Variants in EFCAB11 observed in about 807,000 individuals in gnomAD.
The protein encoded by EFCAB11 is EF-hand calcium binding domain 11.
A neutral mutation model predicts 23.0 loss-of-function variants in EFCAB11; 14 were observed. That is an observed-to-expected ratio of 0.61 (90% CI 0.40 to 0.95). The LOEUF is 0.95. EFCAB11 is among the 40% of genes least tolerant of loss of function. EFCAB11 has a pLI of 0.00. For synonymous variants in EFCAB11, 65 were observed against 66.6 expected, an observed-to-expected ratio of 0.98 and a Z score of 0.11; for missense variants, 198 against 195.8, an observed-to-expected ratio of 1.01 and a Z score of -0.07.
intron 5 of EFCAB11, among the ~76,000 whole-genome samples, chr14:89,922,101 T>C (rs939942745): frequency 6.6e-6 from 1 of 152,216 alleles, no homozygotes; most frequent in African/African-American, 2.4e-5. Context: ...CAGTTTCCTA[T>C]GTGACAGCTG....
intron 5 of EFCAB11, among the ~76,000 whole-genome samples, chr14:89,877,695 T>C (rs1888482621): frequency 6.6e-6 from 1 of 152,160 alleles, no homozygotes; most frequent in Non-Finnish European, 1.5e-5. Flanking sequence ...AAATATGGTA[T>C]TTTACTCCAT....
intron 5 of EFCAB11, among the ~76,000 whole-genome samples, chr14:89,836,848 G>A (rs953413635): frequency 5.3e-5 from 8 of 152,074 alleles, no homozygotes; most frequent in African/African-American, 1.4e-4. Flanking sequence ...GTAAAACCTC[G>A]TCTCTACTAA....
intron 3 of EFCAB11, among the ~76,000 whole-genome samples, chr14:89,944,697 G>A (rs1890904302): frequency 6.6e-6 from 1 of 152,002 alleles, no homozygotes; most frequent in Non-Finnish European, 1.5e-5. Context: ...TGAATATTTT[G>A]AAAGTGAAAA....
intron 5 of EFCAB11, among the ~76,000 whole-genome samples, chr14:89,887,408 CCTATGGAAA>C (rs1888825386): frequency 6.6e-6 from 1 of 152,094 alleles, no homozygotes. Context: ...GCTTTCTAAG[CCTATGGAAA>C]CACAGGGCCA....
intron 5 of EFCAB11, among the ~76,000 whole-genome samples, chr14:89,899,284 T>TA (rs1226229678): frequency 3.3e-5 from 5 of 152,168 alleles, no homozygotes; most frequent in African/African-American, 9.7e-5. Flanking sequence ...ATGTAAATCT[T>TA]AGAGAAATAT....
At chr14:89,943,149 G>C (rs568459348) in intron 3 of EFCAB11, among the ~76,000 whole-genome samples, 1 of 151,962 alleles carries the variant, frequency 6.6e-6, no homozygotes, top group Admixed American at 6.6e-5. Context: ...GGATAGCAGA[G>C]AATTCCCAAG....
intron 5 of EFCAB11, among the ~76,000 whole-genome samples, chr14:89,827,246 G>A (rs961026621): frequency 5.9e-5 from 9 of 152,196 alleles, no homozygotes; most frequent in Non-Finnish European, 1.2e-4. Context: ...AAGGTCCTGT[G>A]GAGCTGGAAC....
chr14:89,797,539 C>T (rs1043101794), intron 5 of EFCAB11, among the ~76,000 whole-genome samples: 3 of 150,918 alleles, frequency 2.0e-5, no homozygotes, highest in Non-Finnish European at 4.4e-5. Flanking sequence ...TAATATATTC[C>T]ACATATTTAA....
At chr14:89,877,725 T>C (rs773767551) in intron 5 of EFCAB11, among the ~76,000 whole-genome samples, 20 of 152,214 alleles carry the variant, frequency 1.3e-4, no homozygotes, top group Admixed American at 2.0e-4. Context: ...TGGCAGTTGT[T>C]TGGATCTACT....
intron 5 of EFCAB11, among the ~76,000 whole-genome samples, chr14:89,823,906 A>C (rs1367344326): frequency 6.6e-6 from 1 of 152,218 alleles, no homozygotes; most frequent in Non-Finnish European, 1.5e-5. Flanking sequence ...GAGAAAAAGA[A>C]ACGAACAGAG....
chr14:89,917,151 C>T (rs573150477), intron 5 of EFCAB11, among the ~76,000 whole-genome samples: 10 of 151,120 alleles, frequency 6.6e-5, no homozygotes, highest in African/African-American at 2.4e-4. Flanking sequence ...CTGAAGTACA[C>T]AACACATTAA....
intron 5 of EFCAB11, among the ~76,000 whole-genome samples, chr14:89,904,042 T>C (rs936271151): frequency 3.9e-5 from 6 of 152,202 alleles, no homozygotes; most frequent in Non-Finnish European, 7.3e-5. Context: ...GTTTGTTACA[T>C]AGGTATACAT....
intron 3 of EFCAB11, among the ~76,000 whole-genome samples, chr14:89,946,529 C>T (rs542122052): frequency 3.9e-5 from 6 of 151,988 alleles, no homozygotes; most frequent in Admixed American, 1.3e-4. Flanking sequence ...TTCTACTTGT[C>T]TATTTCCATC....
chr14:89,939,898 C>G (rs1374796009), intron 3 of EFCAB11, among the ~76,000 whole-genome samples: 3 of 152,112 alleles, frequency 2.0e-5, no homozygotes. Flanking sequence ...ACCACCACGC[C>G]CAGCTAATTT....
chr14:89,822,502 T>C (rs1886557510), intron 5 of EFCAB11, among the ~76,000 whole-genome samples: 1 of 152,176 alleles, frequency 6.6e-6, no homozygotes, highest in Non-Finnish European at 1.5e-5. Flanking sequence ...ACCCCACCCT[T>C]GGCACTCCAC....
chr14:89,842,920 A>G (rs1210805284), intron 5 of EFCAB11, among the ~76,000 whole-genome samples: 2 of 152,162 alleles, frequency 1.3e-5, no homozygotes, highest in Non-Finnish European at 2.9e-5. Context: ...TTCATCCTTT[A>G]AGAATCAGCA....
At chr14:89,889,525 C>G (rs1198517176) in intron 5 of EFCAB11, among the ~76,000 whole-genome samples, 1 of 152,198 alleles carries the variant, frequency 6.6e-6, no homozygotes, top group Non-Finnish European at 1.5e-5. Context: ...GACAGCAGAC[C>G]TGACTGCAAT....
intron 5 of EFCAB11, among the ~76,000 whole-genome samples, chr14:89,895,719 G>A: frequency 6.6e-6 from 1 of 152,130 alleles, no homozygotes; most frequent in East Asian, 1.9e-4. Context: ...TAGGTAATAG[G>A]TCTCTGACTT....
At chr14:89,829,272 G>T (rs1440368583) in intron 5 of EFCAB11, among the ~76,000 whole-genome samples, 1 of 152,164 alleles carries the variant, frequency 6.6e-6, no homozygotes, top group East Asian at 1.9e-4. Context: ...TCTCTCATGA[G>T]GAGGTCCTGC....
Sources: gnomAD v4.1 joint callset for allele counts (sites outside exome capture counted in the v4.1 genomes callset) on GRCh38, gnomAD v4.1.1 for gene constraint, MANE v1.5 for transcripts, NCBI Gene and HGNC (gene_info 2026-07-23, HGNC 2026-07-21) for gene names.